ACTN3: variants seen among roughly 807,000 people sequenced by gnomAD.
ACTN3 encodes the protein actinin alpha 3.
ACTN3 carries 91 observed loss-of-function variants against 119.6 expected under a neutral mutation model. That is an observed-to-expected ratio of 0.76 (90% CI 0.64 to 0.91). ACTN3 has a LOEUF of 0.91. Ranked by LOEUF, ACTN3 falls within the 40% of genes least tolerant of loss-of-function variation. The probability of loss-of-function intolerance (pLI) is 0.00; values close to 1 mark genes in which losing one functional copy is unlikely to be tolerated. For missense variants in ACTN3, 1,221 were observed against 1,215.1 expected (o/e 1.00, Z -0.07); for synonymous variants, 456 against 478.8 (o/e 0.95, Z 0.62).
At chr11:66,548,399 C>T (rs1195662453) in intron 1 of ACTN3, among the ~76,000 whole-genome samples, 1 of 152,072 alleles carries the variant, frequency 6.6e-6, no homozygotes, top group African/African-American at 2.4e-5. Context: ...TCCAGGTCTG[C>T]GTGCCCCCCA....
At position 66,562,279 on chromosome 11, in the gene ACTN3, C is replaced by A; in HGVS notation, c.2345C>A (p.Pro782His). ...CAGAAGCAGAATGGGATGATGGAGC[C>A]TGATGACTTCCGAGCTTGCCTCATC... is the stretch of plus-strand genomic sequence containing the variant. ...FDRKQNGMME[P>H]DDFRACLISM... Residue 782 changes from proline to histidine, a missense_variant, in exon 19 of 21, where the codon CCT becomes CAT. By Grantham distance (77) the Pro-to-His change is moderately conservative. Coordinates refer to ENST00000513398, the MANE Select transcript of ACTN3 (RefSeq NM_001104.4). 6.2e-7 allele frequency: 1 copy of A among 1,613,706 alleles called. No homozygotes were observed. The highest frequency in any genetic ancestry group is 8.5e-7 in the Non-Finnish European group (1 of 1,179,858).
chr11:66,547,335 C>T (rs1857373798), intron 1 of ACTN3, among the ~76,000 whole-genome samples: 1 of 152,152 alleles, frequency 6.6e-6, no homozygotes. Flanking sequence ...TTCCCCTGGG[C>T]CCACTGCCCC....
In ACTN3 at chr11:66,557,715, G is replaced by A. The variant is rs775576167; in HGVS notation, c.914G>A (p.Arg305His). ...KLASELLEWI[R>H]RTVPWLENRV... is the part of the protein sequence containing the mutation. ...CCCTGTCAGCTGCTGGAGTGGATCC[G>A]CCGCACTGTCCCATGGCTGGAGAAC... is the stretch of plus-strand genomic sequence containing the variant. The change falls in exon 10 of 21, where the codon CGC (arginine) becomes CAC (histidine). Residue 305 changes from arginine (R) to histidine (H), a missense_variant. By Grantham distance (29) the Arg-to-His change is conservative. Transcript: ENST00000513398. 4.3e-6 allele frequency: 7 copies of A among 1,611,700 alleles called. No individual in the cohort carries two copies. Among genetic ancestry groups the A allele is most frequent in the Admixed American group, 3.3e-5 (2 of 59,740 alleles).
intron 10 of ACTN3, 30 bp downstream of exon 10, chr11:66,557,959 C>T (rs1353151187): frequency 1.9e-6 from 3 of 1,613,224 alleles, no homozygotes; most frequent in Non-Finnish European, 2.5e-6. Context: ...CCTAGGTGAC[C>T]TTGAGGTCCG....
chr11:66,559,410 G>GC, intron 12 of ACTN3, 24 bp downstream of exon 12: 1 of 1,457,886 alleles, frequency 6.9e-7, no homozygotes, highest in Non-Finnish European at 9.0e-7. Flanking sequence ...CGCGGGGCCC[G>GC]CCCCCAACAC....
intron 1 of ACTN3, among the ~76,000 whole-genome samples, chr11:66,549,888 T>C (rs753680440): frequency 7.2e-5 from 11 of 152,166 alleles, no homozygotes; most frequent in Admixed American, 3.9e-4. Context: ...TCCCATCAAG[T>C]TGTACTCAGT....
At chr11:66,555,392 A>G in intron 7 of ACTN3, 25 bp downstream of exon 7, 1 of 1,610,680 alleles carries the variant, frequency 6.2e-7, no homozygotes, top group Non-Finnish European at 8.5e-7. Context: ...GCCCAGGGGA[A>G]GACCCCACAT....
chr11:66,562,905 A>G lies in ACTN3; in HGVS notation c.2498A>G (p.Asp833Gly), dbSNP rs772985621. 6 of 1,613,788 alleles carry G rather than the reference A, an allele frequency of 3.7e-6. No individual in the cohort carries two copies. Among genetic ancestry groups the G allele is most frequent in the Non-Finnish European group, 5.1e-6 (6 of 1,179,794 alleles). The change falls in exon 20 of 21, where the codon GAC (aspartate) becomes GGC (glycine). Residue 833 changes from aspartate to glycine, a missense_variant. Coordinates refer to ENST00000513398, the MANE Select transcript of ACTN3 (RefSeq NM_001104.4). ...DFMTRETAET[D>G]TTEQVVASFK... is the part of the protein sequence containing the mutation. ...ATGACCCGAGAGACAGCCGAGACTG[A>G]CACGACTGAGCAAGTTGTAGCTTCC...
chr11:66,546,643 A>T, upstream of ACTN3: 2 of 1,533,004 alleles, frequency 1.3e-6, no homozygotes, highest in South Asian at 1.2e-5. Context: ...GAGTAAACAG[A>T]CTCAGAGAGG....
intron 3 of ACTN3, 31 bp downstream of exon 3, chr11:66,551,678 G>T: frequency 6.2e-7 from 1 of 1,611,442 alleles, no homozygotes; most frequent in African/African-American, 1.3e-5. Flanking sequence ...GTCTTGGGCA[G>T]GGCACAGGGG....
intron 1 of ACTN3, 90 bp downstream of exon 1, chr11:66,547,174 C>T (rs1013858320): frequency 1.5e-5 from 21 of 1,369,494 alleles, no homozygotes; most frequent in Middle Eastern, 2.7e-4. Flanking sequence ...AGGGGCAGAG[C>T]TTGTCTTTAA....
At chr11:66,560,496 G>T in intron 14 of ACTN3, 77 bp from the exon 15 acceptor site, 1 of 1,517,118 alleles carries the variant, frequency 6.6e-7, no homozygotes, top group East Asian at 2.4e-5. Flanking sequence ...TGGGTGGCCT[G>T]GGGCACACTG....
At position 66,563,100 on chromosome 11, in the gene ACTN3, C is replaced by T. The variant is rs370952307; in HGVS notation, c.2613C>T (p.Arg871=). 5 of 1,613,278 alleles carry T rather than the reference C, an allele frequency of 3.1e-6. No homozygotes were observed. The highest frequency in any genetic ancestry group is 1.6e-4 in the Middle Eastern group (1 of 6,084). ...LPAKQAEYCI[R]RMVPYKGSGA... ...CCAAGCAGGCCGAGTACTGCATCCG[C>T]CGTATGGTGCCCTACAAGGGATCCG... The change falls in exon 21 of 21, where the codon CGC becomes CGT. Residue 871 remains arginine, a synonymous_variant. Transcript: ENST00000513398.
rs1286734509 is a variant in ACTN3, at chr11:66,560,250, T to A, written c.1616T>A (p.Leu539Gln). 2 of 1,613,170 alleles carry A rather than the reference T, an allele frequency of 1.2e-6. No individual in the cohort carries two copies. Among genetic ancestry groups the A allele is most frequent in the Non-Finnish European group, 1.7e-6 (2 of 1,179,672 alleles). The change falls in exon 14 of 21, where the codon CTG (leucine) becomes CAG (glutamine). Residue 539 changes from leucine to glutamine, a missense_variant. Leu to Gln is a moderately radical substitution (Grantham distance 113). This residue lies in a region of ACTN3 where 934 missense variants were observed against 899.9 expected (regional missense o/e 1.04). Coordinates refer to ENST00000513398, the MANE Select transcript of ACTN3 (RefSeq NM_001104.4). Reference protein sequence around the residue: ...ARRAAPFNNWLDGAVEDLQDV... With the variant: ...ARRAAPFNNWQDGAVEDLQDV... ...CGGGCCGCGCCCTTCAACAACTGGCTGGATGGTGCCGTGGAGGACCTGCAG... is the reference window on the plus strand; with the variant it reads ...CGGGCCGCGCCCTTCAACAACTGGCAGGATGGTGCCGTGGAGGACCTGCAG...
intron 1 of ACTN3, among the ~76,000 whole-genome samples, chr11:66,548,181 C>G (rs1857402981): frequency 6.6e-6 from 1 of 152,044 alleles, no homozygotes; most frequent in Non-Finnish European, 1.5e-5. Context: ...AGGAGATGAC[C>G]CCAAGGGCCG....
intron 11 of ACTN3, 29 bp from the exon 12 acceptor site, chr11:66,559,207 G>C (rs779694031): frequency 6.8e-7 from 1 of 1,461,588 alleles, no homozygotes; most frequent in Admixed American, 2.6e-5. Context: ...CCGCCACTGG[G>C]TGACCGGAGC....
chr11:66,562,313 C>G lies in ACTN3; in HGVS notation c.2379C>G (p.Gly793=). Residue 793 remains glycine (G), a synonymous_variant, in exon 19 of 21, where the codon GGC becomes GGG. Coordinates refer to ENST00000513398, the MANE Select transcript of ACTN3 (RefSeq NM_001104.4). The part of the protein sequence containing the change: ...DDFRACLISM[G]YDLGEVEFAR... ...TCCGAGCTTGCCTCATCTCCATGGG[C>G]TATGACCTGGTGAGAGCTCCCCAGC... The G allele has an allele frequency of 6.2e-7, 1 of 1,612,930 alleles. No individual in the cohort carries two copies.
chr11:66,555,084 G>T (rs747055305), intron 5 of ACTN3, 46 bp from the exon 6 acceptor site: 1 of 1,592,518 alleles, frequency 6.3e-7, no homozygotes, highest in South Asian at 1.1e-5. Context: ...GGAGAACGGG[G>T]CCCCAGCTTG....
At chr11:66,560,984 C>T (rs1447475992) in intron 15 of ACTN3, among the ~76,000 whole-genome samples, 1 of 151,666 alleles carries the variant, frequency 6.6e-6, no homozygotes, top group Non-Finnish European at 1.5e-5. Flanking sequence ...TAGAATTAAG[C>T]CTTGTGTGTG....
Sources: allele counts gnomAD v4.1 joint callset (sites outside exome capture counted in the v4.1 genomes callset), GRCh38; gene constraint gnomAD v4.1.1; regional missense constraint gnomAD v4.1.1; transcripts MANE v1.5; gene names NCBI Gene and HGNC (gene_info 2026-07-23, HGNC 2026-07-21).